ADGRF3: variants seen among roughly 807,000 people sequenced by gnomAD.
ADGRF3 encodes adhesion G protein-coupled receptor F3, also known as G protein-coupled receptor 113.
In ADGRF3, 85 loss-of-function variants were observed where a neutral mutation model predicts 93.2. That is an observed-to-expected ratio of 0.91 (90% CI 0.77 to 1.09). The LOEUF (loss-of-function observed/expected upper bound fraction) is 1.09. ADGRF3 is among the 50% of genes least tolerant of loss of function. ADGRF3 has a pLI of 0.00. For missense variants in ADGRF3, 1,125 were observed against 1,246.2 expected (o/e 0.90, Z 1.46); for synonymous variants, 534 against 532.5 (o/e 1.00, Z -0.04).
At chr2:26,319,447 A>G (rs932023738) in intron 1 of ADGRF3, among the ~76,000 whole-genome samples, 1 of 152,098 alleles carries the variant, frequency 6.6e-6, no homozygotes, top group African/African-American at 2.4e-5. Flanking sequence ...TTACAAATGA[A>G]AAATAAAGAA....
At chr2:26,310,135 C>A in intron 11 of ADGRF3, 30 bp from the exon 12 acceptor site, 1 of 1,614,030 alleles carries the variant, frequency 6.2e-7, no homozygotes. Flanking sequence ...TCTGCTTATG[C>A]CAGCCACGGC....
chr2:26,343,729 C>CA (rs1676527770), intron 1 of ADGRF3, among the ~76,000 whole-genome samples: 1 of 152,220 alleles, frequency 6.6e-6, no homozygotes, highest in Non-Finnish European at 1.5e-5. Context: ...AGGCGTGAGC[C>CA]ACGGCGCCCG....
intron 1 of ADGRF3, among the ~76,000 whole-genome samples, chr2:26,334,129 T>C (rs914993472): frequency 5.3e-5 from 8 of 151,990 alleles, no homozygotes; most frequent in Non-Finnish European, 1.5e-5. Context: ...TAAAGGGTTG[T>C]ACCTGTACAA....
intron 1 of ADGRF3, among the ~76,000 whole-genome samples, chr2:26,333,742 C>T (rs1368564193): frequency 6.6e-6 from 1 of 152,076 alleles, no homozygotes; most frequent in Non-Finnish European, 1.5e-5. Context: ...GGTTTTCTAA[C>T]ACAAAAGTTC....
chr2:26,331,493 G>A (rs183841137), intron 1 of ADGRF3, among the ~76,000 whole-genome samples: 99 of 152,310 alleles, frequency 6.5e-4, no homozygotes, highest in African/African-American at 2.3e-3. Flanking sequence ...AGGTTGCAGT[G>A]AGCCGAGATT....
At chr2:26,317,878 G>A (rs1284041512) in intron 1 of ADGRF3, 1 of 739,428 alleles carries the variant, frequency 1.4e-6, no homozygotes, top group East Asian at 2.7e-5. Flanking sequence ...TGGAGCTCCA[G>A]CAGCGGAGCT....
Position 26,314,760 on chromosome 2 carries a change from C to T in ADGRF3, c.719-137G>A, listed in dbSNP as rs1420623626. ...GTGCTTAACCCCAGCAAGCAAGGTC[C>T]CAGGATGGCCCCTTTGGTGGACATT... is the stretch of plus-strand genomic sequence containing the variant. On this transcript the variant is annotated intron_variant, in intron 5 of 13. Coordinates refer to ENST00000651242, the MANE Select transcript of ADGRF3 (RefSeq NM_001321971.2). 1.6e-5 allele frequency: 11 copies of T among 705,066 alleles called. No homozygotes were observed. In the East Asian group the frequency reaches 1.9e-4, roughly 12 times the overall value. The allele number at this position is 705,066 out of a possible 1,614,324, so 43.7% of individuals were successfully genotyped here.
At chr2:26,310,569 G>T in intron 10 of ADGRF3, 123 bp downstream of exon 10, 1 of 1,038,706 alleles carries the variant, frequency 9.6e-7, no homozygotes, top group Non-Finnish European at 1.4e-6. Context: ...CCACACCTAA[G>T]CCTTCCAAAA....
chr2:26,313,108 G>T lies in ADGRF3; in HGVS notation c.1284C>A (p.Gly428=). The change falls in exon 9 of 14, where the codon GGC becomes GGA. Residue 428 remains glycine, a synonymous_variant. Transcript: ENST00000651242. The part of the protein sequence containing the change: ...LFTRTKLLQA[G]QGSPAEEVPQ... ...GCACCTCCTCAGCAGGACTGCCCTG[G>T]CCTGCCTGCAGCAGCTGAGACAGAC... The T allele has an allele frequency of 6.2e-7, 1 of 1,613,838 alleles. No individual in the cohort carries two copies. Among genetic ancestry groups the T allele is most frequent in the Admixed American group, 1.7e-5 (1 of 60,034 alleles).
chr2:26,308,910 T>C lies in ADGRF3; in HGVS notation c.*176A>G. ...CTATTCTTGCTGGATACTTTAGAAA[T>C]GAGAAGGGGTGAGCTGTAAGATAAA... On this transcript the variant is annotated 3_prime_UTR_variant, in exon 14 of 14. Transcript: ENST00000651242. 1 of 756,344 alleles carries C rather than the reference T, an allele frequency of 1.3e-6. No homozygotes were observed. Among genetic ancestry groups the C allele is most frequent in the South Asian group, 2.1e-5 (1 of 46,820 alleles). 46.9% of individuals were successfully genotyped at this position (756,344 alleles called of 1,614,324 possible). A position where few individuals can be genotyped will look rare whatever the true frequency, so the allele number is the denominator to read the frequency against.
At chr2:26,313,192 C>T (rs1321304995) in intron 8 of ADGRF3, 70 bp from the exon 9 acceptor site, 1 of 1,569,760 alleles carries the variant, frequency 6.4e-7, no homozygotes, top group Admixed American at 1.7e-5. Flanking sequence ...CATCCCAGAC[C>T]CATGGAGATT....
In ADGRF3 at chr2:26,313,027, G is replaced by C. The variant is rs148297150; in HGVS notation, c.1365C>G (p.Asp455Glu). The change falls in exon 9 of 14, where the codon GAC becomes GAG. Residue 455 changes from aspartate to glutamate, a missense_variant. Physicochemically the swap from Asp to Glu is conservative, Grantham distance 45 (BLOSUM62 2). Transcript: ENST00000651242. ...TCATGGTGCTCAGCAGGGTCAGTAA[G>C]TCGGAGGGTGAACTTGCCTCTGCCG... ...GQAAEASSPS[D>E]LLTLLSTMKY... 1 of 1,614,042 alleles carries C rather than the reference G, an allele frequency of 6.2e-7. No individual in the cohort carries two copies. Among genetic ancestry groups the C allele is most frequent in the African/African-American group, 1.3e-5 (1 of 75,062 alleles).
At chr2:26,336,315 A>AGAGTGTGTGTGT (rs1553333147) in intron 1 of ADGRF3, among the ~76,000 whole-genome samples, 5 of 148,562 alleles carry the variant, frequency 3.4e-5, no homozygotes, top group Admixed American at 6.7e-5. Context: ...GGAGATCAAG[A>AGAGTGTGTGTGT]GTGTGTGTGT....
intron 1 of ADGRF3, among the ~76,000 whole-genome samples, chr2:26,342,411 T>G (rs570046804): frequency 1.3e-5 from 2 of 152,314 alleles, no homozygotes; most frequent in Admixed American, 6.5e-5. Context: ...ATGGCTTCAG[T>G]AACTTATATT....
intron 1 of ADGRF3, among the ~76,000 whole-genome samples, chr2:26,326,100 GAGA>G (rs902672145): frequency 6.6e-6 from 1 of 152,170 alleles, no homozygotes; most frequent in Admixed American, 6.5e-5. Flanking sequence ...AGCTGAGTGA[GAGA>G]AGGTGATTTT....
intron 1 of ADGRF3, among the ~76,000 whole-genome samples, chr2:26,335,402 C>T (rs1212395871): frequency 6.6e-6 from 1 of 152,200 alleles, no homozygotes; most frequent in African/African-American, 2.4e-5. Context: ...TGCATGGACA[C>T]ACACATTTTA....
In ADGRF3 at chr2:26,308,904, T is replaced by C; in HGVS notation, c.*182A>G. 1.4e-6 allele frequency: 1 copy of C among 731,158 alleles called. No homozygotes were observed. Among genetic ancestry groups the C allele is most frequent in the Admixed American group, 2.9e-5 (1 of 34,384 alleles). The allele number at this position is 731,158 out of a possible 1,614,324, so 45.3% of individuals were successfully genotyped here. A position where few individuals can be genotyped will look rare whatever the true frequency, so the allele number is the denominator to read the frequency against. On this transcript the variant is annotated 3_prime_UTR_variant, in exon 14 of 14. Transcript: ENST00000651242. ...TTCCTGCTATTCTTGCTGGATACTT[T>C]AGAAATGAGAAGGGGTGAGCTGTAA...
chr2:26,321,110 A>G (rs1249001427), intron 1 of ADGRF3, among the ~76,000 whole-genome samples: 5 of 152,144 alleles, frequency 3.3e-5, no homozygotes, highest in African/African-American at 1.2e-4. Context: ...CAAAGTACGA[A>G]GTACCTATGG....
intron 1 of ADGRF3, among the ~76,000 whole-genome samples, chr2:26,320,738 G>A (rs941172203): frequency 7.9e-5 from 12 of 152,122 alleles, no homozygotes; most frequent in African/African-American, 2.4e-4. Context: ...CAATCAAAAT[G>A]TCTATTAAAA....
Sources: allele counts gnomAD v4.1 joint callset (sites outside exome capture counted in the v4.1 genomes callset), GRCh38; gene constraint gnomAD v4.1.1; transcripts MANE v1.5; gene names NCBI Gene and HGNC (gene_info 2026-07-23, HGNC 2026-07-21).